Variants in DYNC2H1 observed in about 807,000 individuals in gnomAD.
DYNC2H1 encodes the protein dynein cytoplasmic 2 heavy chain 1.
DYNC2H1 carries 410 observed loss-of-function variants against 570.0 expected under a neutral mutation model. The observed-to-expected ratio is 0.72, with a 90% CI of 0.66 to 0.78. The LOEUF is 0.78. DYNC2H1 is among the 30% of genes least tolerant of loss of function. The pLI, the probability that DYNC2H1 is intolerant of heterozygous loss-of-function variation, is 0.00. For synonymous variants in DYNC2H1, 1,688 were observed against 1,677.6 expected, an observed-to-expected ratio of 1.01 and a Z score of -0.15; for missense variants, 4,865 against 5,046.4, an observed-to-expected ratio of 0.96 and a Z score of 1.09.
chr11:103,376,632 G>A (rs1026530600), intron 83 of DYNC2H1, among the ~76,000 whole-genome samples: 1 of 152,104 alleles, frequency 6.6e-6, no homozygotes, highest in African/African-American at 2.4e-5. Context: ...ACATCTTTGT[G>A]TATGATGGGT....
At chr11:103,454,683 T>C (rs313876) in intron 85 of DYNC2H1, among the ~76,000 whole-genome samples, 3 of 152,300 alleles carry the variant, frequency 2.0e-5, no homozygotes, top group Admixed American at 6.5e-5. Context: ...TATATTGATA[T>C]GTATTTCTCC....
chr11:103,188,111 C>T (rs1277721268), intron 43 of DYNC2H1, among the ~76,000 whole-genome samples: 1 of 151,720 alleles, frequency 6.6e-6, no homozygotes, highest in African/African-American at 2.4e-5. Flanking sequence ...CGGTATAGGT[C>T]CAATTTTAGG....
chr11:103,157,473 G>T lies in DYNC2H1; in HGVS notation c.4127+703G>T, dbSNP rs941413442. ...TTTCTGATTCCTATTTCAATAAATG[G>T]CCCAACCTAATTGCTGAAAGCAGAG... is the stretch of plus-strand genomic sequence containing the variant. On this transcript the variant is annotated intron_variant, in intron 26 of 88. Transcript: ENST00000375735. This position sits in a 1 kb window ranked among gnomAD's most constrained non-coding sequence, Gnocchi z 4.2. Among the ~76,000 whole-genome samples, 1 of 152,070 alleles carries T rather than the reference G, an allele frequency of 6.6e-6. No individual in the cohort carries two copies. The highest frequency in any genetic ancestry group is 1.5e-5 in the Non-Finnish European group (1 of 68,008).
chr11:103,125,123 T>G lies in DYNC2H1; in HGVS notation c.1685T>G (p.Met562Arg), dbSNP rs1279380965. 6.2e-7 allele frequency: 1 copy of G among 1,613,126 alleles called. No homozygotes were observed. ...AGTATTGAGGCTAGTAGTCGAATTATGGAATTGGATTCTAATGATGGATTA... is the reference window on the plus strand; with the variant it reads ...AGTATTGAGGCTAGTAGTCGAATTAGGGAATTGGATTCTAATGATGGATTA... ...GLCIEASSRI[M>R]ELDSNDGLLK... Residue 562 changes from methionine (M) to arginine (R), a missense_variant, in exon 12 of 89, where the codon ATG (methionine) becomes AGG (arginine). By Grantham distance (91) the Met-to-Arg change is moderately conservative. This residue lies in a region of DYNC2H1 where 1,936 missense variants were observed against 1,962.1 expected (regional missense o/e 0.99). Coordinates refer to ENST00000375735, the MANE Select transcript of DYNC2H1 (RefSeq NM_001377.3).
intron 17 of DYNC2H1, among the ~76,000 whole-genome samples, chr11:103,138,946 G>A (rs1159342689): frequency 1.3e-5 from 2 of 151,408 alleles, no homozygotes; most frequent in African/African-American, 4.9e-5. Context: ...TCTTGGGAGG[G>A]TGTATGTGTC....
At position 103,471,772 on chromosome 11, in the gene DYNC2H1, T is replaced by A. The variant is rs189405149; in HGVS notation, c.12765+3067T>A. On this transcript the variant is annotated intron_variant, in intron 88 of 88. Coordinates refer to ENST00000375735, the MANE Select transcript of DYNC2H1 (RefSeq NM_001377.3). Reference sequence around the variant, plus strand: ...AGATAAACAGATTTCTCCTGCAGAGTCTTCCGCCAACTGGGGAAGCAAATA... The same window carrying A: ...AGATAAACAGATTTCTCCTGCAGAGACTTCCGCCAACTGGGGAAGCAAATA... Among the ~76,000 whole-genome samples, 5 of 152,238 alleles carry A rather than the reference T, an allele frequency of 3.3e-5. No individual in the cohort carries two copies. In the East Asian group the frequency reaches 7.7e-4, roughly 24 times the overall value.
In DYNC2H1 at chr11:103,170,135, C is replaced by T. The variant is rs1238344455; in HGVS notation, c.4996C>T (p.Pro1666Ser). 1.2e-6 allele frequency: 2 copies of T among 1,612,792 alleles called. No individual in the cohort carries two copies. Among genetic ancestry groups the T allele is most frequent in the Admixed American group, 1.7e-5 (1 of 59,922 alleles). The part of the protein sequence containing the change: ...QGNASKLVYT[P>S]LTDKCYLTLT... ...TAATGCTTCCAAACTGGTTTATACT[C>T]CACTGACAGACAAGTGCTACTTAAC... The change falls in exon 33 of 89, where the codon CCA (proline) becomes TCA (serine). Residue 1666 changes from proline to serine, a missense_variant. Pro to Ser is a moderately conservative substitution (Grantham distance 74). This residue lies in a region of DYNC2H1 where 1,936 missense variants were observed against 1,962.1 expected (regional missense o/e 0.99). Transcript: ENST00000375735. This position sits in a 1 kb window ranked among gnomAD's most constrained non-coding sequence, Gnocchi z 4.8.
At chr11:103,349,639 C>T (rs1157654058) in intron 82 of DYNC2H1, among the ~76,000 whole-genome samples, 2 of 152,152 alleles carry the variant, frequency 1.3e-5, no homozygotes, top group South Asian at 2.1e-4. Flanking sequence ...CTGATAGATT[C>T]ACTGTGTGAG....
chr11:103,114,275 T>C, intron 3 of DYNC2H1, 37 bp downstream of exon 3: 1 of 1,514,450 alleles, frequency 6.6e-7, no homozygotes, highest in Non-Finnish European at 8.9e-7. Flanking sequence ...GAGTACAAAA[T>C]GATTGTCTCA....
At chr11:103,336,079 T>A (rs377195978) in intron 82 of DYNC2H1, among the ~76,000 whole-genome samples, 1 of 152,186 alleles carries the variant, frequency 6.6e-6, no homozygotes, top group African/African-American at 2.4e-5. Context: ...CCACATAACC[T>A]TCTTATATGG....
intron 4 of DYNC2H1, among the ~76,000 whole-genome samples, chr11:103,116,035 T>C (rs1238176029): frequency 6.6e-6 from 1 of 152,140 alleles, no homozygotes; most frequent in African/African-American, 2.4e-5. Flanking sequence ...ACATAAAAAG[T>C]CTACTCTTTT....
At position 103,261,940 on chromosome 11, in the gene DYNC2H1, C is replaced by G. The variant is rs1310553453; in HGVS notation, c.10695+1963C>G. Among the ~76,000 whole-genome samples, 2 of 152,042 alleles carry G rather than the reference C, an allele frequency of 1.3e-5. No homozygotes were observed. The highest frequency in any genetic ancestry group is 4.8e-5 in the African/African-American group (2 of 41,392). On this transcript the variant is annotated intron_variant, in intron 70 of 88. Transcript: ENST00000375735. The surrounding 1 kb of genome is among the most constrained non-coding windows in gnomAD (Gnocchi z 4.8). Reference sequence around the variant, plus strand: ...CATGTTCCAACCCAATGCAAGGAAGCTAAGAACCTTGAAAAAAGGTTAGAG... The same window carrying G: ...CATGTTCCAACCCAATGCAAGGAAGGTAAGAACCTTGAAAAAAGGTTAGAG...
At chr11:103,462,218 G>T (rs1019125566) in intron 87 of DYNC2H1, among the ~76,000 whole-genome samples, 2 of 152,044 alleles carry the variant, frequency 1.3e-5, no homozygotes, top group African/African-American at 4.8e-5. Context: ...GTATTCATCT[G>T]CTTGCTTCCT....
Position 103,358,378 on chromosome 11 carries a change from T to C in DYNC2H1, c.12156+19T>C. The C allele has an allele frequency of 6.7e-7, 1 of 1,498,130 alleles. No individual in the cohort carries two copies. Among genetic ancestry groups the C allele is most frequent in the Non-Finnish European group, 9.1e-7 (1 of 1,096,014 alleles). 92.8% of individuals were successfully genotyped at this position (1,498,130 alleles called of 1,614,324 possible). The stretch of plus-strand genomic sequence containing the variant: ...AAACCAGGTTAGTAGTGGAATATTC[T>C]TCTGATTCTTTTGCTTTTTCTCCCG... On this transcript the variant is annotated intron_variant, in intron 83 of 88. Transcript: ENST00000375735.
chr11:103,154,187 A>G lies in DYNC2H1; in HGVS notation c.3303-264A>G, dbSNP rs546294095. Among the ~76,000 whole-genome samples, 3 of 152,016 alleles carry G rather than the reference A, an allele frequency of 2.0e-5. No individual in the cohort carries two copies. The East Asian group carries it at 5.8e-4, about 29-fold the overall frequency. ...ATAAATCTCTCTATATTACCAACTC[A>G]GTTTTGACTTCTTTGGAAAAAATGT... On this transcript the variant is annotated intron_variant, in intron 22 of 88. Coordinates refer to ENST00000375735, the MANE Select transcript of DYNC2H1 (RefSeq NM_001377.3).
chr11:103,166,880 T>G (rs1414096626), intron 31 of DYNC2H1, among the ~76,000 whole-genome samples: 1 of 152,008 alleles, frequency 6.6e-6, no homozygotes, highest in African/African-American at 2.4e-5. Context: ...CTTTTGGCTC[T>G]TATTTCTTCA....
chr11:103,201,411 A>G lies in DYNC2H1; in HGVS notation c.8197+1257A>G, dbSNP rs1393277443. On this transcript the variant is annotated intron_variant, in intron 50 of 88. Coordinates refer to ENST00000375735, the MANE Select transcript of DYNC2H1 (RefSeq NM_001377.3). The surrounding 1 kb of genome is among the most constrained non-coding windows in gnomAD (Gnocchi z 4.8). ...GTTCGAGTCTTGTTTTTCCTCTGAGATATAACATGAAGCACTGTCCATTTA... is the reference window on the plus strand; with the variant it reads ...GTTCGAGTCTTGTTTTTCCTCTGAGGTATAACATGAAGCACTGTCCATTTA... Among the ~76,000 whole-genome samples the G allele has an allele frequency of 6.6e-6, 1 of 152,080 alleles. No homozygotes were observed. Among genetic ancestry groups the G allele is most frequent in the Non-Finnish European group, 1.5e-5 (1 of 68,014 alleles).
rs534798917 is a variant in DYNC2H1 at position 103,281,047 on chromosome 11, A to G, written c.10761+634A>G. Among the ~76,000 whole-genome samples the G allele has an allele frequency of 7.2e-5, 11 of 152,232 alleles. 1 individual carries two copies. In the South Asian group the frequency reaches 2.3e-3, roughly 32 times the overall value. On this transcript the variant is annotated intron_variant, in intron 71 of 88. Transcript: ENST00000375735. ...TTTCTCATTATGATGCTGTTATCATAAAGTGAGATTCCAGTAGCCAGGGTG... is the reference window on the plus strand; with the variant it reads ...TTTCTCATTATGATGCTGTTATCATGAAGTGAGATTCCAGTAGCCAGGGTG...
chr11:103,442,824 A>G (rs568108015), intron 85 of DYNC2H1, among the ~76,000 whole-genome samples: 2 of 152,234 alleles, frequency 1.3e-5, no homozygotes, highest in African/African-American at 2.4e-5. Context: ...ATAAACTCTT[A>G]TGACAAATTT....
Sources: gnomAD v4.1 joint callset for allele counts (sites outside exome capture counted in the v4.1 genomes callset) on GRCh38, gnomAD v4.1.1 for gene constraint, gnomAD v4.1.1 regional missense constraint, Gnocchi (gnomAD v3.1) non-coding constraint, MANE v1.5 for transcripts, NCBI Gene and HGNC (gene_info 2026-07-23, HGNC 2026-07-21) for gene names.